The following CLCN7 variants were observed in gnomAD, a reference collection of about 807,000 sequenced individuals.
The protein encoded by CLCN7 is Cl-/H+ antiporter 7, also known as H(+)/Cl(-) exchange transporter 7.
CLCN7 carries 60 observed loss-of-function variants against 102.1 expected under a neutral mutation model. That is an observed-to-expected ratio of 0.59 (90% CI 0.48 to 0.73). The LOEUF (loss-of-function observed/expected upper bound fraction) is 0.73. Ranked by LOEUF, CLCN7 falls within the 30% of genes least tolerant of loss-of-function variation. The pLI is 0.00. For synonymous variants in CLCN7, 560 were observed against 490.5 expected, an observed-to-expected ratio of 1.14 and a Z score of -1.87; for missense variants, 962 against 1,125.7, an observed-to-expected ratio of 0.85 and a Z score of 2.08.
chr16:1,447,796 C>G (rs1455036275), intron 21 of CLCN7, 82 bp from the exon 22 acceptor site: 2 of 1,454,636 alleles, frequency 1.4e-6, no homozygotes, highest in East Asian at 5.0e-5. Context: ...CCCGCTCTGA[C>G]CCTGTTCCGG....
Position 1,462,665 on chromosome 16 carries a change from C to CAAAAAAAAA in CLCN7, c.214-1000_214-992dup, listed in dbSNP as rs67969666. ...GAGACCCCAACTCTTAAAAAAAAGC[C>CAAAAAAAAA]AAAAAAAAAAAAAAAAAAAAAACCA... On this transcript the variant is annotated intron_variant, in intron 2 of 24. Coordinates refer to ENST00000382745, the MANE Select transcript of CLCN7 (RefSeq NM_001287.6). 5.7e-3 allele frequency among the ~76,000 whole-genome samples: 204 copies of CAAAAAAAAA among 36,102 alleles called. 3 individuals are homozygous for CAAAAAAAAA. Among genetic ancestry groups the CAAAAAAAAA allele is most frequent in the African/African-American group, 0.015 (191 of 12,626 alleles). 23.7% of individuals were successfully genotyped at this position (36,102 alleles called of 152,430 possible).
intron 7 of CLCN7, among the ~76,000 whole-genome samples, chr16:1,458,571 A>G (rs1269384395): frequency 2.6e-5 from 4 of 152,216 alleles, no homozygotes; most frequent in Non-Finnish European, 5.9e-5. Flanking sequence ...AAGCACCCCC[A>G]GGGGGCAGCG....
rs1176886885 is a variant in CLCN7 at position 1,446,504 on chromosome 16, G to A, written c.*127C>T. The stretch of plus-strand genomic sequence containing the variant: ...TCCGCGCCTGCCGCCTGCCCGCCCA[G>A]CTGCAGGGTGCTCGCCATTGCCACT... On this transcript the variant is annotated 3_prime_UTR_variant, in exon 25 of 25. Transcript: ENST00000382745. 1.1e-6 allele frequency: 1 copy of A among 875,696 alleles called. No homozygotes were observed. Among genetic ancestry groups the A allele is most frequent in the Non-Finnish European group, 1.9e-6 (1 of 539,302 alleles). 54.2% of individuals were successfully genotyped at this position (875,696 alleles called of 1,614,324 possible). A position where few individuals can be genotyped will look rare whatever the true frequency, so the allele number is the denominator to read the frequency against.
intron 10 of CLCN7, 68 bp downstream of exon 10, chr16:1,456,045 A>G: frequency 7.5e-7 from 1 of 1,331,282 alleles, no homozygotes; most frequent in Admixed American, 2.0e-5. Context: ...GGGCCTACAG[A>G]GAGGAGACCG....
intron 4 of CLCN7, 123 bp from the exon 5 acceptor site, chr16:1,461,071 C>T: frequency 7.8e-7 from 1 of 1,281,028 alleles, no homozygotes; most frequent in South Asian, 1.4e-5. Flanking sequence ...GCACGGTGCG[C>T]TGAGTCCCAC....
rs113169664 is a variant in CLCN7 at position 1,468,456 on chromosome 16, C to G, written c.142-3118G>C. On this transcript the variant is annotated intron_variant, in intron 1 of 24. Transcript: ENST00000382745. Reference sequence around the variant, plus strand: ...AGGTGGCTTTCGTAATGGAAGAACACGACGTTTACTTCAAGTTCAGCAATG... The same window carrying G: ...AGGTGGCTTTCGTAATGGAAGAACAGGACGTTTACTTCAAGTTCAGCAATG... 8.7e-3 allele frequency among the ~76,000 whole-genome samples: 1,318 copies of G among 152,336 alleles called. 19 individuals are homozygous for G. The highest frequency in any genetic ancestry group is 0.03 in the African/African-American group (1,230 of 41,576).
Position 1,474,997 on chromosome 16 carries a change from G to A in CLCN7, c.-23C>T. 2.1e-6 allele frequency: 3 copies of A among 1,439,382 alleles called. No individual in the cohort carries two copies. The highest frequency in any genetic ancestry group is 1.4e-5 in the South Asian group (1 of 72,826). The allele number at this position is 1,439,382 out of a possible 1,614,324, so 89.2% of individuals were successfully genotyped here. On this transcript the variant is annotated 5_prime_UTR_variant, in exon 1 of 25. Coordinates refer to ENST00000382745, the MANE Select transcript of CLCN7 (RefSeq NM_001287.6). Reference sequence around the variant, plus strand: ...CATGGCCCGCCGCGGAGCGACACCGGCCGGGAAGCGCCGGCTGCCCCCGTG... The same window carrying A: ...CATGGCCCGCCGCGGAGCGACACCGACCGGGAAGCGCCGGCTGCCCCCGTG...
chr16:1,461,074 A>C, intron 4 of CLCN7, 126 bp from the exon 5 acceptor site: 3 of 1,254,594 alleles, frequency 2.4e-6, no homozygotes, highest in Non-Finnish European at 3.3e-6. Flanking sequence ...CGGTGCGCTG[A>C]GTCCCACAAA....
rs1429132936 is a variant in CLCN7 at position 1,446,676 on chromosome 16, G to A, written c.2373C>T (p.Arg791=). Residue 791 remains arginine (R), a synonymous_variant, in exon 25 of 25, where the codon CGC becomes CGT. Transcript: ENST00000382745. ...LVTRKDLARY[R]LGKRGLEELS... ...GCTCCTCCAAGCCTCTCTTTCCCAG[G>A]CGGTACCTGGCGAGGTCCTTCCTGG... The A allele has an allele frequency of 3.1e-6, 5 of 1,587,980 alleles. No individual in the cohort carries two copies. Among genetic ancestry groups the A allele is most frequent in the Admixed American group, 1.7e-5 (1 of 57,602 alleles).
chr16:1,450,708 C>CTGGGT (rs2038734280), intron 16 of CLCN7, 42 bp from the exon 17 acceptor site: 1 of 1,191,538 alleles, frequency 8.4e-7, no homozygotes, highest in Non-Finnish European at 1.1e-6. Context: ...ACGACTCCCG[C>CTGGGT]CTCCGCAGGA....
At chr16:1,466,265 C>T (rs2039003433) in intron 1 of CLCN7, among the ~76,000 whole-genome samples, 2 of 152,236 alleles carry the variant, frequency 1.3e-5, no homozygotes, top group African/African-American at 4.8e-5. Flanking sequence ...TCCCTGGGAG[C>T]AGCCCTCCCG....
chr16:1,464,130 A>G (rs969471682), intron 2 of CLCN7, among the ~76,000 whole-genome samples: 2 of 152,198 alleles, frequency 1.3e-5, no homozygotes, highest in Non-Finnish European at 2.9e-5. Flanking sequence ...GTGAACAGAA[A>G]ACCCACTGAA....
chr16:1,450,125 G>A (rs527590908), intron 17 of CLCN7: 12 of 329,050 alleles, frequency 3.6e-5, no homozygotes, highest in East Asian at 2.2e-4. Flanking sequence ...AGTGTATGCC[G>A]CTCTGGCCCC....
At position 1,457,735 on chromosome 16, in the gene CLCN7, C is replaced by T. The variant is rs774749842; in HGVS notation, c.697G>A (p.Gly233Ser). ...RLKTLVIKVS[G>S]VILSVVGGLA... ...CCCCCGACCACGGACAGGATCACACCGGACACTTTGATCACCAACGTCTGA... is the reference window on the plus strand; with the variant it reads ...CCCCCGACCACGGACAGGATCACACTGGACACTTTGATCACCAACGTCTGA... The change falls in exon 8 of 25, where the codon GGT becomes AGT. Residue 233 changes from glycine to serine, a missense_variant. This residue lies in a region of CLCN7 where 799 missense variants were observed against 988.0 expected (regional missense o/e 0.81). Coordinates refer to ENST00000382745, the MANE Select transcript of CLCN7 (RefSeq NM_001287.6). This position sits in a 1 kb window ranked among gnomAD's most constrained non-coding sequence, Gnocchi z 5.4. 5.3e-5 allele frequency: 86 copies of T among 1,613,908 alleles called. No individual in the cohort carries two copies. The highest frequency in any genetic ancestry group is 2.2e-4 in the East Asian group (10 of 44,880).
intron 2 of CLCN7, among the ~76,000 whole-genome samples, chr16:1,463,684 G>A (rs8064212): frequency 0.47 from 71,551 of 150,968 alleles, 17,289 homozygotes; most frequent in African/African-American, 0.55. Context: ...GGGTCTCACT[G>A]TGTTGTCTAG....
At chr16:1,452,638 T>G (rs961398894) in intron 15 of CLCN7, 117 bp downstream of exon 15, 2 of 1,111,594 alleles carry the variant, frequency 1.8e-6, no homozygotes, top group African/African-American at 1.6e-5. Flanking sequence ...CGCCAGCCCA[T>G]GCGCTTCTGG....
chr16:1,452,107 C>T (rs1020762423), intron 15 of CLCN7: 3 of 322,172 alleles, frequency 9.3e-6, no homozygotes, highest in Non-Finnish European at 1.2e-5. Flanking sequence ...CTCCTGGGCT[C>T]CAGCAGCACA....
At chr16:1,460,303 G>T in intron 6 of CLCN7, 115 bp downstream of exon 6, 1 of 782,578 alleles carries the variant, frequency 1.3e-6, no homozygotes. Flanking sequence ...AAAAGTGCCC[G>T]GGTTGTCAGC....
chr16:1,455,811 C>A lies in CLCN7; in HGVS notation c.917-16G>T. The A allele has an allele frequency of 1.2e-6, 2 of 1,612,528 alleles. No individual in the cohort carries two copies. The highest frequency in any genetic ancestry group is 2.2e-5 in the East Asian group (1 of 44,884). ...AGGACCCCACCTGGAAGGCAGGCGG[C>A]CGGCTCGGGTGCCAGCTGGACACAG... On this transcript the variant is annotated splice_polypyrimidine_tract_variant and intron_variant, in intron 10 of 24. Transcript: ENST00000382745.
Sources: allele counts gnomAD v4.1 joint callset (sites outside exome capture counted in the v4.1 genomes callset), GRCh38; gene constraint gnomAD v4.1.1; regional missense constraint gnomAD v4.1.1; non-coding constraint Gnocchi (gnomAD v3.1); transcripts MANE v1.5; gene names NCBI Gene and HGNC (gene_info 2026-07-23, HGNC 2026-07-21).